Variants in MTUS2 observed in about 807,000 individuals in gnomAD.
The protein encoded by MTUS2 is microtubule associated scaffold protein 2.
Under a neutral mutation model 114.1 loss-of-function variants are expected in MTUS2, and 40 were observed. That is an observed-to-expected ratio of 0.35 (90% CI 0.27 to 0.46). The LOEUF is 0.46. MTUS2 is among the 20% of genes least tolerant of loss of function. The pLI is 1.00. For synonymous variants in MTUS2, 688 were observed against 672.0 expected (o/e 1.02, Z -0.37); for missense variants, 1,679 against 1,705.4 (o/e 0.98, Z 0.27).
Position 29,034,138 on chromosome 13 carries a change from A to T in MTUS2, c.2446+13A>T. ...TCCGATCCTTCAGGTAACCGATCCAACAGTTTCTGCCTTTTCCTGCTGTAC... is the reference window on the plus strand; with the variant it reads ...TCCGATCCTTCAGGTAACCGATCCATCAGTTTCTGCCTTTTCCTGCTGTAC... On this transcript the variant is annotated intron_variant, in intron 4 of 15. Transcript: ENST00000612955. 1 of 1,613,492 alleles carries T rather than the reference A, an allele frequency of 6.2e-7. No individual in the cohort carries two copies. Among genetic ancestry groups the T allele is most frequent in the Non-Finnish European group, 8.5e-7 (1 of 1,179,482 alleles).
chr13:29,321,997 G>A (rs1308179294), intron 6 of MTUS2, among the ~76,000 whole-genome samples: 3 of 152,074 alleles, frequency 2.0e-5, no homozygotes, highest in African/African-American at 7.2e-5. Flanking sequence ...GTTTGAATAT[G>A]CCACAGTTCA....
rs1465506056 is a variant in MTUS2, at chr13:29,496,741, T to G, written c.3580-497T>G. 6.6e-6 allele frequency among the ~76,000 whole-genome samples: 1 copy of G among 150,746 alleles called. No homozygotes were observed. The highest frequency in any genetic ancestry group is 1.5e-5 in the Non-Finnish European group (1 of 67,634). On this transcript the variant is annotated intron_variant, in intron 12 of 15. Transcript: ENST00000612955. This position sits in a 1 kb window ranked among gnomAD's most constrained non-coding sequence, Gnocchi z 4.3. ...CATTCAGGAGGCAGGATGGCAGGAG[T>G]TGATTATGGACTTGGTGATTAGAAG...
intron 9 of MTUS2, among the ~76,000 whole-genome samples, chr13:29,453,799 A>C (rs746392659): frequency 2.6e-5 from 4 of 152,202 alleles, no homozygotes; most frequent in African/African-American, 4.8e-5. Context: ...CATGTTTATG[A>C]AACTTACTAT....
intron 2 of MTUS2, among the ~76,000 whole-genome samples, chr13:28,937,294 A>G (rs1046927178): frequency 6.6e-6 from 1 of 152,108 alleles, no homozygotes; most frequent in African/African-American, 2.4e-5. Context: ...ATGGACCAGT[A>G]AGCACTCTGT....
At chr13:29,234,852 G>A (rs1421085643) in intron 5 of MTUS2, among the ~76,000 whole-genome samples, 1 of 151,936 alleles carries the variant, frequency 6.6e-6, no homozygotes. Context: ...AAAAATAGGA[G>A]TTACCACTTT....
intron 2 of MTUS2, among the ~76,000 whole-genome samples, chr13:28,948,279 T>A (rs1197549958): frequency 6.6e-6 from 1 of 152,122 alleles, no homozygotes; most frequent in Non-Finnish European, 1.5e-5. Flanking sequence ...GGTCGATAAA[T>A]GTGTTTTCAA....
chr13:28,846,055 A>AAATAT (rs140946282), intron 2 of MTUS2, among the ~76,000 whole-genome samples: 11 of 143,174 alleles, frequency 7.7e-5, no homozygotes, highest in South Asian at 4.5e-4. Flanking sequence ...TTAAAAAAAA[A>AAATAT]ATATATATAT....
chr13:28,838,728 GAA>G (rs1163533450), intron 1 of MTUS2, among the ~76,000 whole-genome samples: 1 of 152,114 alleles, frequency 6.6e-6, no homozygotes. Flanking sequence ...TATGCTCTTG[GAA>G]AAGAGTCTTA....
At chr13:28,926,169 T>C (rs571659014) in intron 2 of MTUS2, among the ~76,000 whole-genome samples, 1 of 152,316 alleles carries the variant, frequency 6.6e-6, no homozygotes, top group African/African-American at 2.4e-5. Flanking sequence ...AAGACACAAA[T>C]CCCAAGCTAA....
chr13:29,397,435 AG>A (rs1302534241), intron 8 of MTUS2, among the ~76,000 whole-genome samples: 8 of 151,992 alleles, frequency 5.3e-5, no homozygotes, highest in Non-Finnish European at 1.5e-5. Flanking sequence ...CCCCATAACC[AG>A]TACCACTTGG....
intron 2 of MTUS2, among the ~76,000 whole-genome samples, chr13:28,909,013 T>C (rs1395766734): frequency 1.3e-5 from 2 of 151,544 alleles, no homozygotes; most frequent in Non-Finnish European, 2.9e-5. Flanking sequence ...TATGCGGCAT[T>C]GTTTCTGAGG....
chr13:28,978,286 C>T (rs1036130512), intron 2 of MTUS2, among the ~76,000 whole-genome samples: 1 of 152,116 alleles, frequency 6.6e-6, no homozygotes, highest in Non-Finnish European at 1.5e-5. Flanking sequence ...TTTTCTAGTT[C>T]TACAAAACAG....
intron 6 of MTUS2, among the ~76,000 whole-genome samples, chr13:29,319,916 C>G (rs1900181672): frequency 6.6e-6 from 1 of 152,064 alleles, no homozygotes; most frequent in South Asian, 2.1e-4. Flanking sequence ...TAATAGAGAC[C>G]AAGCAGTTAG....
At chr13:29,047,753 G>A (rs938377347) in intron 4 of MTUS2, among the ~76,000 whole-genome samples, 5 of 151,998 alleles carry the variant, frequency 3.3e-5, no homozygotes, top group Non-Finnish European at 5.9e-5. Context: ...GACGTGATGC[G>A]CCCACCTTGG....
chr13:28,963,373 CAAAA>C (rs1435670661), intron 2 of MTUS2, among the ~76,000 whole-genome samples: 1 of 151,820 alleles, frequency 6.6e-6, no homozygotes. Flanking sequence ...CAAAACAAAA[CAAAA>C]AAAGAAATAG....
chr13:29,075,107 G>T (rs575863604), intron 4 of MTUS2, among the ~76,000 whole-genome samples: 1 of 152,292 alleles, frequency 6.6e-6, no homozygotes, highest in East Asian at 1.9e-4. Context: ...TATACAATCT[G>T]TGTGACCTTT....
chr13:29,026,335 A>T lies in MTUS2; in HGVS notation c.1637A>T (p.Tyr546Phe). The T allele has an allele frequency of 6.2e-7, 1 of 1,613,960 alleles. No homozygotes were observed. Among genetic ancestry groups the T allele is most frequent in the Non-Finnish European group, 8.5e-7 (1 of 1,179,880 alleles). Residue 546 changes from tyrosine (Y) to phenylalanine (F), a missense_variant, in exon 3 of 16, where the codon TAC becomes TTC. Tyr to Phe is a conservative substitution (Grantham distance 22). Coordinates refer to ENST00000612955, the MANE Select transcript of MTUS2 (RefSeq NM_001033602.4). ...CCAGAGACAACTGTGAACATGACCT[A>T]CCAGCCTACAACACCCAGTAGCAGT... is the stretch of plus-strand genomic sequence containing the variant. ...LHPETTVNMT[Y>F]QPTTPSSSFQ...
chr13:29,453,511 T>A (rs897723216), intron 9 of MTUS2, among the ~76,000 whole-genome samples: 5 of 152,194 alleles, frequency 3.3e-5, no homozygotes, highest in Non-Finnish European at 7.3e-5. Context: ...AGCAGGTCAT[T>A]CATATCCAGT....
rs1890700043 is a variant in MTUS2, at chr13:29,107,062, A to G, written c.2644+6092A>G. 2.0e-5 allele frequency among the ~76,000 whole-genome samples: 3 copies of G among 152,044 alleles called. No homozygotes were observed. In the South Asian group the frequency reaches 6.2e-4, roughly 32 times the overall value. Reference sequence around the variant, plus strand: ...TGGAATACACCTCCCCCGGCCTTCTATCCCTACCCGCACCACCTGCCATCT... The same window carrying G: ...TGGAATACACCTCCCCCGGCCTTCTGTCCCTACCCGCACCACCTGCCATCT... On this transcript the variant is annotated intron_variant, in intron 5 of 15. Transcript: ENST00000612955.
Sources: gnomAD v4.1 joint callset for allele counts (sites outside exome capture counted in the v4.1 genomes callset) on GRCh38, gnomAD v4.1.1 for gene constraint, Gnocchi (gnomAD v3.1) non-coding constraint, MANE v1.5 for transcripts, NCBI Gene and HGNC (gene_info 2026-07-23, HGNC 2026-07-21) for gene names.